Variants in PDCD2L observed in about 807,000 individuals in gnomAD.
The protein encoded by PDCD2L is uS5 assembly chaperone PDCD2L.
A neutral mutation model predicts 40.4 loss-of-function variants in PDCD2L; 44 were observed. The observed-to-expected ratio is 1.09, with a 90% confidence interval of 0.86 to 1.40. The LOEUF (loss-of-function observed/expected upper bound fraction) is 1.40, where lower values mean the gene tolerates loss of function less well. PDCD2L is among the 40% of genes most tolerant of loss of function. The pLI is 0.00. For missense variants in PDCD2L, 470 were observed against 453.7 expected (o/e 1.04, Z -0.33); for synonymous variants, 194 against 174.6 (o/e 1.11, Z -0.88).
chr19:34,425,381 G>T (rs1363078157), intron 6 of PDCD2L, among the ~76,000 whole-genome samples: 1 of 149,626 alleles, frequency 6.7e-6, no homozygotes, highest in Non-Finnish European at 1.5e-5. Context: ...GCTTATTGCA[G>T]CCTTTATCTC....
intron 5 of PDCD2L, among the ~76,000 whole-genome samples, chr19:34,415,983 C>T (rs780345830): frequency 6.6e-6 from 1 of 152,148 alleles, no homozygotes; most frequent in Non-Finnish European, 1.5e-5. Flanking sequence ...AGCAATGGTA[C>T]GATCTCAGCT....
chr19:34,404,750 G>A lies in PDCD2L; in HGVS notation c.210G>A (p.Pro70=), dbSNP rs1474550221. The A allele has an allele frequency of 3.1e-6, 5 of 1,611,616 alleles. No homozygotes were observed. The highest frequency in any genetic ancestry group is 1.3e-5 in the African/African-American group (1 of 74,924). The change falls in exon 2 of 7, where the codon CCG becomes CCA. Residue 70 remains proline (P), a synonymous_variant. Coordinates refer to ENST00000246535, the MANE Select transcript of PDCD2L (RefSeq NM_032346.2). ...VQVYCPLEGS[P]FHRLLHVFAC... The stretch of plus-strand genomic sequence containing the variant: ...TGTATTGCCCGCTGGAAGGCTCCCC[G>A]TTTCACCGTCTGCTGCACGTGTTCG...
At chr19:34,411,901 C>T (rs553068880) in intron 4 of PDCD2L, among the ~76,000 whole-genome samples, 9 of 149,952 alleles carry the variant, frequency 6.0e-5, no homozygotes, top group African/African-American at 1.9e-4. Context: ...GTGACCCACT[C>T]TCCTTGGCCT....
intron 3 of PDCD2L, among the ~76,000 whole-genome samples, chr19:34,408,887 G>A (rs1414075514): frequency 2.6e-5 from 4 of 152,154 alleles, no homozygotes; most frequent in Non-Finnish European, 5.9e-5. Context: ...TGCAATACAT[G>A]AAGCACAACA....
At chr19:34,410,111 G>A (rs2145460393) in intron 4 of PDCD2L, among the ~76,000 whole-genome samples, 1 of 152,228 alleles carries the variant, frequency 6.6e-6, no homozygotes, top group East Asian at 1.9e-4. Context: ...CTTATTGATT[G>A]ACTGAGAGAG....
Position 34,425,301 on chromosome 19 carries a change from CT to C in PDCD2L, c.947-672del, listed in dbSNP as rs35392752. On this transcript the variant is annotated intron_variant, in intron 6 of 6. Coordinates refer to ENST00000246535, the MANE Select transcript of PDCD2L (RefSeq NM_032346.2). Reference sequence around the variant, plus strand: ...GTCCTATGATATATATTTCTCTCTTCTTTTTTTTTTTTTTTTTAAGACAGGG... The same window carrying C: ...GTCCTATGATATATATTTCTCTCTTCTTTTTTTTTTTTTTTTAAGACAGGG... Among the ~76,000 whole-genome samples the C allele has an allele frequency of 5.9e-3, 779 of 132,082 alleles. 1 individual carries two copies. The highest frequency in any genetic ancestry group is 0.011 in the African/African-American group (390 of 36,106). The allele number at this position is 132,082 out of a possible 152,430, so 86.7% of individuals were successfully genotyped here. A position where few individuals can be genotyped will look rare whatever the true frequency, so the allele number is the denominator to read the frequency against.
At chr19:34,424,744 C>CCTT (rs2075168045) in intron 6 of PDCD2L, among the ~76,000 whole-genome samples, 2 of 74,006 alleles carry the variant, frequency 2.7e-5, no homozygotes, top group South Asian at 4.8e-4. Context: ...GCCATTTTTT[C>CCTT]ATTTTTTTTT....
intron 4 of PDCD2L, among the ~76,000 whole-genome samples, chr19:34,413,196 G>A (rs1460162273): frequency 6.6e-6 from 1 of 151,760 alleles, no homozygotes; most frequent in African/African-American, 2.4e-5. Flanking sequence ...CCGCCACCAC[G>A]CCTGGCTAAT....
rs1033085978 is a variant in PDCD2L at position 34,405,000 on chromosome 19, G to A, written c.336+10G>A. 4 of 1,613,900 alleles carry A rather than the reference G, an allele frequency of 2.5e-6. No homozygotes were observed. Among genetic ancestry groups the A allele is most frequent in the Non-Finnish European group, 3.4e-6 (4 of 1,179,948 alleles). ...GGCGCAGGACGCTCAGGTAAAGGTT[G>A]TGATTGGCATGTTATTGTTTTTCTG... On this transcript the variant is annotated intron_variant, in intron 3 of 6. Transcript: ENST00000246535.
At chr19:34,413,676 T>G in intron 4 of PDCD2L, 61 bp from the exon 5 acceptor site, 1 of 1,035,572 alleles carries the variant, frequency 9.7e-7, no homozygotes, top group Non-Finnish European at 1.5e-6. Flanking sequence ...TGTTTTGTCT[T>G]GCAAATGCTG....
chr19:34,409,619 G>T (rs1288216525), intron 4 of PDCD2L, 109 bp downstream of exon 4: 12 of 929,410 alleles, frequency 1.3e-5, no homozygotes, highest in Admixed American at 2.5e-5. Flanking sequence ...GGCAGAACTT[G>T]TATGTAGGAC....
At chr19:34,420,069 C>T (rs1356694395) in intron 5 of PDCD2L, among the ~76,000 whole-genome samples, 1 of 152,102 alleles carries the variant, frequency 6.6e-6, no homozygotes, top group Non-Finnish European at 1.5e-5. Context: ...ACTGCAACCT[C>T]TGCCTCCCAG....
chr19:34,416,570 A>G (rs1166807374), intron 5 of PDCD2L, among the ~76,000 whole-genome samples: 6 of 152,172 alleles, frequency 3.9e-5, no homozygotes, highest in Admixed American at 3.3e-4. Context: ...TTCCTCTTTT[A>G]CCACCTACAG....
At chr19:34,415,050 G>A (rs954264614) in intron 5 of PDCD2L, among the ~76,000 whole-genome samples, 13 of 152,070 alleles carry the variant, frequency 8.5e-5, no homozygotes, top group Non-Finnish European at 1.5e-5. Flanking sequence ...CTCCTGCCAC[G>A]GCCTTCCAAA....
intron 3 of PDCD2L, among the ~76,000 whole-genome samples, chr19:34,405,552 C>T (rs992395799): frequency 6.6e-6 from 1 of 151,900 alleles, no homozygotes; most frequent in African/African-American, 2.4e-5. Flanking sequence ...TGGCTCACGC[C>T]TGTGATCCCA....
At chr19:34,421,862 G>T in intron 6 of PDCD2L, 195 bp downstream of exon 6, 1 of 495,972 alleles carries the variant, frequency 2.0e-6, no homozygotes, top group Non-Finnish European at 3.3e-6. Flanking sequence ...GGCCAAGGCG[G>T]GTGGATCACA....
At position 34,425,909 on chromosome 19, in the gene PDCD2L, TA is replaced by T; in HGVS notation, c.947-80del. The T allele has an allele frequency of 2.1e-6, 3 of 1,433,738 alleles. No individual in the cohort carries two copies. In the South Asian group the frequency reaches 4.1e-5, roughly 19 times the overall value. 88.8% of individuals were successfully genotyped at this position (1,433,738 alleles called of 1,614,324 possible). A position where few individuals can be genotyped will look rare whatever the true frequency, so the allele number is the denominator to read the frequency against. On this transcript the variant is annotated intron_variant, in intron 6 of 6. Coordinates refer to ENST00000246535, the MANE Select transcript of PDCD2L (RefSeq NM_032346.2). Reference sequence around the variant, plus strand: ...GCTTTACCTAATTACTTTTTCAGCTTATAAGGTAAAATCATTCCTTTTAGTA... The same window carrying T: ...GCTTTACCTAATTACTTTTTCAGCTTTAAGGTAAAATCATTCCTTTTAGTA...
At position 34,404,461 on chromosome 19, in the gene PDCD2L, G is replaced by A; in HGVS notation, c.31G>A (p.Gly11Ser). The change falls in exon 1 of 7, where the codon GGC becomes AGC. Residue 11 changes from glycine (G) to serine (S), a missense_variant. By Grantham distance (56) the Gly-to-Ser change is moderately conservative. Transcript: ENST00000246535. MAAVLKPVLLGLRDAPVHGSP... is the reference protein window; with the variant it reads MAAVLKPVLLSLRDAPVHGSP... ...GGCCGTTCTGAAGCCGGTGCTGCTG[G>A]GCCTTCGAGATGCGCCGGTGCACGG... 1.3e-6 allele frequency: 2 copies of A among 1,544,946 alleles called. No individual in the cohort carries two copies. The highest frequency in any genetic ancestry group is 2.4e-5 in the South Asian group (2 of 83,936).
chr19:34,417,391 CAA>C (rs2075130861), intron 5 of PDCD2L, among the ~76,000 whole-genome samples: 1 of 152,054 alleles, frequency 6.6e-6, no homozygotes, highest in Admixed American at 6.6e-5. Context: ...AGGCAGATCA[CAA>C]AGTCAGGAGT....
Sources: gnomAD v4.1 joint callset for allele counts (sites outside exome capture counted in the v4.1 genomes callset) on GRCh38, gnomAD v4.1.1 for gene constraint, MANE v1.5 for transcripts, NCBI Gene and HGNC (gene_info 2026-07-23, HGNC 2026-07-21) for gene names.